The following PAM variants were observed in gnomAD, a reference collection of about 807,000 sequenced individuals.
The protein encoded by PAM is peptidylglycine alpha-amidating monooxygenase, also known as peptidyl-glycine alpha-amidating monooxygenase.
PAM carries 72 observed loss-of-function variants against 122.1 expected under a neutral mutation model. The observed-to-expected ratio is 0.59, with a 90% confidence interval of 0.49 to 0.72. The LOEUF (loss-of-function observed/expected upper bound fraction) is 0.72, where lower values mean the gene tolerates loss of function less well. Among genes scored for constraint, PAM ranks in the 30% least tolerant of loss-of-function variants. The pLI, the probability that PAM is intolerant of heterozygous loss-of-function variation, is 0.00. For missense variants in PAM, 1,106 were observed against 1,183.7 expected (o/e 0.93, Z 0.96); for synonymous variants, 389 against 404.4 (o/e 0.96, Z 0.46).
intron 1 of PAM, among the ~76,000 whole-genome samples, chr5:102,797,847 AC>A (rs1763764054): frequency 6.6e-6 from 1 of 152,154 alleles, no homozygotes; most frequent in Non-Finnish European, 1.5e-5. Context: ...TGTTCCTACT[AC>A]TACTACTACT....
rs1413898368 is a variant in PAM at position 102,905,561 on chromosome 5, G to T, written c.268+4148G>T. Among the ~76,000 whole-genome samples the T allele has an allele frequency of 2.6e-5, 4 of 151,624 alleles. No homozygotes were observed. The East Asian group carries it at 7.8e-4, about 30-fold the overall frequency. ...TGTCCAGATACTTTGAGAACTGCAT[G>T]AACAATTCAATTTTGATCATGCTTA... On this transcript the variant is annotated intron_variant, in intron 4 of 25. Transcript: ENST00000438793.
intron 16 of PAM, among the ~76,000 whole-genome samples, chr5:102,998,544 G>A (rs1375853997): frequency 3.3e-5 from 5 of 152,072 alleles, no homozygotes; most frequent in Admixed American, 6.6e-5. Context: ...TCCACAGGTC[G>A]GGATGGGGTA....
intron 3 of PAM, among the ~76,000 whole-genome samples, chr5:102,872,076 C>G (rs531767497): frequency 4.6e-5 from 7 of 152,106 alleles, no homozygotes; most frequent in African/African-American, 1.7e-4. Context: ...CATTTTCCTC[C>G]CTTATTTTGG....
At chr5:102,765,919 C>G (rs1461053418) in intron 1 of PAM, among the ~76,000 whole-genome samples, 2 of 152,160 alleles carry the variant, frequency 1.3e-5, no homozygotes, top group African/African-American at 4.8e-5. Flanking sequence ...ACCCTATTTC[C>G]AATTCGTCAC....
intron 5 of PAM, among the ~76,000 whole-genome samples, chr5:102,917,611 T>C (rs1392985123): frequency 6.6e-6 from 1 of 152,224 alleles, no homozygotes; most frequent in Non-Finnish European, 1.5e-5. Flanking sequence ...GATTTCCTCC[T>C]GTTTACACTT....
intron 1 of PAM, among the ~76,000 whole-genome samples, chr5:102,831,598 ATTGT>A (rs1299015473): frequency 6.6e-6 from 1 of 152,080 alleles, no homozygotes; most frequent in Admixed American, 6.6e-5. Context: ...GCTGAGAGTA[ATTGT>A]TTGTATCATG....
chr5:102,997,381 G>A (rs1215682100), intron 16 of PAM, among the ~76,000 whole-genome samples: 1 of 151,972 alleles, frequency 6.6e-6, no homozygotes, highest in Non-Finnish European at 1.5e-5. Flanking sequence ...TCTAGGCATG[G>A]TGGTGTGCAC....
intron 15 of PAM, among the ~76,000 whole-genome samples, chr5:102,986,755 A>C (rs1030802590): frequency 6.6e-6 from 1 of 152,122 alleles, no homozygotes; most frequent in African/African-American, 2.4e-5. Flanking sequence ...TAATTGAATC[A>C]TGGGGTCAGT....
chr5:102,936,098 G>A (rs1192812012), intron 7 of PAM, among the ~76,000 whole-genome samples: 1 of 152,068 alleles, frequency 6.6e-6, no homozygotes, highest in East Asian at 1.9e-4. Flanking sequence ...GTGCACTTGA[G>A]GGTATTTGCA....
At chr5:102,865,103 C>G (rs1293198305) in intron 1 of PAM, 1 of 151,334 alleles carries the variant, frequency 6.6e-6, no homozygotes, top group Non-Finnish European at 1.5e-5. Flanking sequence ...GAAAGGATAT[C>G]TTTTGGAAGG....
At chr5:102,967,038 C>A (rs1316592496) in intron 14 of PAM, among the ~76,000 whole-genome samples, 1 of 151,772 alleles carries the variant, frequency 6.6e-6, no homozygotes, top group Non-Finnish European at 1.5e-5. Flanking sequence ...TTTAAAAAAC[C>A]TTCATAGGAC....
At chr5:103,010,205 C>A (rs1465022049) in intron 21 of PAM, among the ~76,000 whole-genome samples, 1 of 152,122 alleles carries the variant, frequency 6.6e-6, no homozygotes, top group Non-Finnish European at 1.5e-5. Flanking sequence ...CTGGTTTCAT[C>A]CAAGTAGAGA....
At chr5:102,921,367 T>C (rs1029962459) in intron 5 of PAM, among the ~76,000 whole-genome samples, 2 of 152,168 alleles carry the variant, frequency 1.3e-5, no homozygotes, top group Non-Finnish European at 2.9e-5. Context: ...TTTCTCTTTT[T>C]GGTCATTTTA....
chr5:102,886,081 T>C (rs1308860693), intron 3 of PAM, among the ~76,000 whole-genome samples: 2 of 152,074 alleles, frequency 1.3e-5, no homozygotes, highest in Non-Finnish European at 1.5e-5. Context: ...TTTATAAATG[T>C]ATAAATCTGA....
At chr5:102,900,261 G>T (rs1034997511) in intron 3 of PAM, among the ~76,000 whole-genome samples, 3 of 119,512 alleles carry the variant, frequency 2.5e-5, no homozygotes, top group Non-Finnish European at 5.1e-5. Context: ...GTGTGGGGGG[G>T]GGGCGGGGGG....
chr5:102,787,849 C>G (rs1760961814), intron 1 of PAM, among the ~76,000 whole-genome samples: 1 of 152,014 alleles, frequency 6.6e-6, no homozygotes, highest in Admixed American at 6.6e-5. Flanking sequence ...CTGGAGTTCT[C>G]TAAGCCATTA....
chr5:102,881,206 C>T (rs1008084762), intron 3 of PAM, among the ~76,000 whole-genome samples: 1 of 150,870 alleles, frequency 6.6e-6, no homozygotes, highest in African/African-American at 2.4e-5. Context: ...GAGAAAAACA[C>T]GCATATGGCA....
At chr5:103,002,325 T>C (rs1346383881) in intron 16 of PAM, among the ~76,000 whole-genome samples, 1 of 152,130 alleles carries the variant, frequency 6.6e-6, no homozygotes, top group African/African-American at 2.4e-5. Context: ...TTTATAATAA[T>C]CTAAAAGGTA....
intron 1 of PAM, among the ~76,000 whole-genome samples, chr5:102,825,360 G>A (rs1249198651): frequency 6.6e-6 from 1 of 152,104 alleles, no homozygotes; most frequent in Non-Finnish European, 1.5e-5. Flanking sequence ...ATTAAATATT[G>A]TCCAAATCAA....
Sources: allele counts gnomAD v4.1 joint callset (sites outside exome capture counted in the v4.1 genomes callset), GRCh38; gene constraint gnomAD v4.1.1; transcripts MANE v1.5; gene names NCBI Gene and HGNC (gene_info 2026-07-23, HGNC 2026-07-21).